PKHD1: variants seen among roughly 807,000 people sequenced by gnomAD.
PKHD1 encodes the protein fibrocystin.
PKHD1 carries 291 observed loss-of-function variants against 412.0 expected under a neutral mutation model. That is an observed-to-expected ratio of 0.71 (90% CI 0.64 to 0.78). The LOEUF (loss-of-function observed/expected upper bound fraction) is 0.78. Ranked by LOEUF, PKHD1 falls within the 30% of genes least tolerant of loss-of-function variation. The pLI is 0.00. For missense variants in PKHD1, 4,825 were observed against 4,950.7 expected (o/e 0.97, Z 0.76); for synonymous variants, 1,777 against 1,821.5 (o/e 0.98, Z 0.62).
chr6:51,940,534 G>T (rs1788329527), intron 36 of PKHD1, among the ~76,000 whole-genome samples: 2 of 151,714 alleles, frequency 1.3e-5, no homozygotes, highest in African/African-American at 4.8e-5. Flanking sequence ...CATCTGTGTG[G>T]GACCCCACTG....
intron 28 of PKHD1, 53 bp downstream of exon 28, chr6:52,035,538 T>C: frequency 6.5e-7 from 1 of 1,529,624 alleles, no homozygotes; most frequent in South Asian, 1.1e-5. Flanking sequence ...AAATGTTATA[T>C]TAACAGTGGT....
chr6:52,043,175 T>G (rs762106428), intron 26 of PKHD1, 41 bp from the exon 27 acceptor site: 4 of 1,490,924 alleles, frequency 2.7e-6, no homozygotes, highest in Non-Finnish European at 3.7e-6. Flanking sequence ...TAAAATAATC[T>G]CTCAGTGATA....
intron 49 of PKHD1, among the ~76,000 whole-genome samples, chr6:51,853,561 A>G (rs1262814417): frequency 1.3e-5 from 2 of 152,166 alleles, no homozygotes; most frequent in Non-Finnish European, 2.9e-5. Context: ...TGGTACTCCA[A>G]TCAATCATAG....
intron 60 of PKHD1, among the ~76,000 whole-genome samples, chr6:51,681,551 A>G (rs927907778): frequency 1.3e-5 from 2 of 152,054 alleles, no homozygotes; most frequent in African/African-American, 4.8e-5. Flanking sequence ...CTATTTCTTC[A>G]TTGTTTTCCT....
chr6:51,804,542 C>T (rs1043427415), intron 52 of PKHD1, among the ~76,000 whole-genome samples: 1 of 146,952 alleles, frequency 6.8e-6, no homozygotes, highest in Non-Finnish European at 1.5e-5. Context: ...AGACACAGTT[C>T]TTGGCCTCAT....
At chr6:51,793,709 C>A (rs1185400070) in intron 52 of PKHD1, among the ~76,000 whole-genome samples, 2 of 152,052 alleles carry the variant, frequency 1.3e-5, no homozygotes, top group Non-Finnish European at 2.9e-5. Context: ...ATTCTCATTC[C>A]TTTTTATGGC....
intron 5 of PKHD1, among the ~76,000 whole-genome samples, chr6:52,078,073 CCA>C: frequency 6.6e-6 from 1 of 152,152 alleles, no homozygotes; most frequent in Non-Finnish European, 1.5e-5. Flanking sequence ...CTAAGAGCCA[CCA>C]CTCAGTCTAT....
intron 60 of PKHD1, among the ~76,000 whole-genome samples, chr6:51,679,981 G>A (rs1776414296): frequency 6.6e-6 from 1 of 151,942 alleles, no homozygotes; most frequent in Non-Finnish European, 1.5e-5. Context: ...TACCCTCTGT[G>A]TAACTCTAGG....
intron 50 of PKHD1, among the ~76,000 whole-genome samples, chr6:51,843,780 T>C (rs1015775781): frequency 6.6e-6 from 1 of 152,248 alleles, no homozygotes; most frequent in African/African-American, 2.4e-5. Context: ...TCTTCACTTG[T>C]GGTCTGTTTC....
At chr6:51,834,365 A>G (rs1235391200) in intron 51 of PKHD1, among the ~76,000 whole-genome samples, 1 of 152,120 alleles carries the variant, frequency 6.6e-6, no homozygotes, top group Non-Finnish European at 1.5e-5. Context: ...AATTTAGGAA[A>G]AGAATACCCG....
intron 52 of PKHD1, among the ~76,000 whole-genome samples, chr6:51,817,319 C>T (rs191634183): frequency 2.7e-4 from 27 of 101,114 alleles, no homozygotes; most frequent in Non-Finnish European, 3.8e-4. Context: ...TTCTCTTTTC[C>T]GCAGGATTTA....
Position 51,943,333 on chromosome 6 carries a change from T to A in PKHD1, c.5909-9011A>T, listed in dbSNP as rs527441571. On this transcript the variant is annotated intron_variant, in intron 36 of 66. Transcript: ENST00000371117. ...TTTGAGCTCCTGTATAAGACGCTCC[T>A]TTTTATTAGGCCCCAGTCTCATTCC... is the stretch of plus-strand genomic sequence containing the variant. 2.0e-5 allele frequency among the ~76,000 whole-genome samples: 3 copies of A among 151,082 alleles called. No individual in the cohort carries two copies. The East Asian group carries it at 5.8e-4, about 29-fold the overall frequency.
At chr6:52,070,304 A>T in intron 10 of PKHD1, 102 bp downstream of exon 10, 1 of 820,768 alleles carries the variant, frequency 1.2e-6, no homozygotes, top group South Asian at 1.4e-5. Flanking sequence ...TTATATGTTT[A>T]ACATTTTCCG....
intron 60 of PKHD1, among the ~76,000 whole-genome samples, chr6:51,717,131 A>G (rs1781364403): frequency 6.6e-6 from 1 of 152,202 alleles, no homozygotes; most frequent in Non-Finnish European, 1.5e-5. Flanking sequence ...CCAGTCAACA[A>G]TGGACTCCAA....
At chr6:52,062,724 T>C in intron 13 of PKHD1, 64 bp from the exon 14 acceptor site, 1 of 1,597,066 alleles carries the variant, frequency 6.3e-7, no homozygotes, top group East Asian at 2.2e-5. Flanking sequence ...GGAATTACTT[T>C]ATTTTAAATT....
Position 52,058,703 on chromosome 6 carries a change from A to G in PKHD1, c.1234-102T>C. The G allele has an allele frequency of 2.4e-6, 3 of 1,230,730 alleles. No individual in the cohort carries two copies. The East Asian group carries it at 7.0e-5, about 29-fold the overall frequency. The allele number at this position is 1,230,730 out of a possible 1,614,324, so 76.2% of individuals were successfully genotyped here. On this transcript the variant is annotated intron_variant, in intron 15 of 66. Transcript: ENST00000371117. ...ACTGCTACTATCAAGAGAGTTTTGA[A>G]CTGGTCTGCCTTTTTAACATATTAA...
chr6:52,016,283 T>C (rs1800513694), intron 34 of PKHD1, among the ~76,000 whole-genome samples: 1 of 152,184 alleles, frequency 6.6e-6, no homozygotes, highest in African/African-American at 2.4e-5. Context: ...TCAGATGCCA[T>C]GAAAAGAGCT....
chr6:51,765,085 C>T (rs1169388477), intron 55 of PKHD1, among the ~76,000 whole-genome samples: 1 of 152,018 alleles, frequency 6.6e-6, no homozygotes, highest in Non-Finnish European at 1.5e-5. Context: ...CCCTGACAAA[C>T]CTATTCCCCT....
chr6:51,954,109 C>T (rs1583545443), intron 36 of PKHD1, among the ~76,000 whole-genome samples: 1 of 152,030 alleles, frequency 6.6e-6, no homozygotes, highest in East Asian at 1.9e-4. Flanking sequence ...GCCATATCTC[C>T]TGTTATCTCT....
Sources: gnomAD v4.1 joint callset for allele counts (sites outside exome capture counted in the v4.1 genomes callset) on GRCh38, gnomAD v4.1.1 for gene constraint, MANE v1.5 for transcripts, NCBI Gene and HGNC (gene_info 2026-07-23, HGNC 2026-07-21) for gene names.